Variants in RELL1 observed in about 807,000 individuals in gnomAD.
RELL1 encodes RELT-like protein 1.
In RELL1, 10 loss-of-function variants were observed where a neutral mutation model predicts 23.0. That is an observed-to-expected ratio of 0.43 (90% confidence interval 0.27 to 0.74). The LOEUF is 0.74. RELL1 is among the 30% of genes least tolerant of loss of function. The probability of loss-of-function intolerance (pLI) is 0.19; values close to 1 mark genes in which losing one functional copy is unlikely to be tolerated. For synonymous variants in RELL1, 146 were observed against 146.8 expected, an observed-to-expected ratio of 0.99 and a Z score of 0.04; for missense variants, 315 against 364.4, an observed-to-expected ratio of 0.86 and a Z score of 1.10.
At chr4:37,649,156 C>A in intron 2 of RELL1, 120 bp downstream of exon 2, 1 of 831,526 alleles carries the variant, frequency 1.2e-6, no homozygotes, top group Admixed American at 2.2e-5. Context: ...TTACACTACA[C>A]TGCACCACCT....
chr4:37,678,145 C>T lies in RELL1; in HGVS notation c.88+8055G>A, dbSNP rs188414320. Reference sequence around the variant, plus strand: ...ACAGAGGAGCAGGCACATCACATGGCGGAAGCAGGAGCAAGAGAGAGTTGG... The same window carrying T: ...ACAGAGGAGCAGGCACATCACATGGTGGAAGCAGGAGCAAGAGAGAGTTGG... On this transcript the variant is annotated intron_variant, in intron 1 of 6. Coordinates refer to ENST00000454158, the MANE Select transcript of RELL1 (RefSeq NM_001085400.2). Among the ~76,000 whole-genome samples the T allele has an allele frequency of 1.6e-4, 24 of 152,178 alleles. No homozygotes were observed. The East Asian group carries it at 4.1e-3, about 26-fold the overall frequency.
At chr4:37,621,663 A>C (rs1719771987) in intron 6 of RELL1, among the ~76,000 whole-genome samples, 1 of 152,156 alleles carries the variant, frequency 6.6e-6, no homozygotes, top group Non-Finnish European at 1.5e-5. Flanking sequence ...TGCAGTGAAA[A>C]GAGCAGATGT....
intron 3 of RELL1, among the ~76,000 whole-genome samples, 177 bp from the exon 4 acceptor site, chr4:37,638,681 T>C (rs1197750730): frequency 1.3e-5 from 2 of 152,128 alleles, no homozygotes; most frequent in Admixed American, 1.3e-4. Flanking sequence ...GCACCATCTG[T>C]CAGTAACTTC....
chr4:37,598,523 G>A (rs901545974), intron 6 of RELL1, among the ~76,000 whole-genome samples: 7 of 151,980 alleles, frequency 4.6e-5, no homozygotes, highest in Admixed American at 3.9e-4. Context: ...AGTACTGCAC[G>A]TGAATCATCT....
Position 37,665,352 on chromosome 4 carries a change from A to G in RELL1, c.89-15852T>C, listed in dbSNP as rs1285773861. The G allele has an allele frequency of 8.8e-6, 4 of 452,278 alleles. No homozygotes were observed. The East Asian group carries it at 2.8e-4, about 32-fold the overall frequency. The allele number at this position is 452,278 out of a possible 1,614,324, so 28.0% of individuals were successfully genotyped here. ...AATATACCAGCATGCTCCTGGGTTCATCGAAATCAACAGAAGTTTCCAGTT... is the reference window on the plus strand; with the variant it reads ...AATATACCAGCATGCTCCTGGGTTCGTCGAAATCAACAGAAGTTTCCAGTT... On this transcript the variant is annotated intron_variant, in intron 1 of 6. Coordinates refer to ENST00000454158, the MANE Select transcript of RELL1 (RefSeq NM_001085400.2).
chr4:37,588,862 A>G, downstream of RELL1: 7 of 1,612,782 alleles, frequency 4.3e-6, no homozygotes, highest in Non-Finnish European at 5.9e-6. Flanking sequence ...ACAGAAAACA[A>G]TCCAGATGGG....
intron 6 of RELL1, among the ~76,000 whole-genome samples, chr4:37,623,994 T>C (rs773445790): frequency 2.6e-5 from 4 of 152,040 alleles, no homozygotes; most frequent in Non-Finnish European, 5.9e-5. Context: ...GGAGAGTTAA[T>C]AAAAGAAAAG....
At chr4:37,641,683 C>A (rs867152353) in intron 3 of RELL1, among the ~76,000 whole-genome samples, 34 of 152,194 alleles carry the variant, frequency 2.2e-4, no homozygotes, top group African/African-American at 7.7e-4. Flanking sequence ...CTCCCTGAAT[C>A]CCTGCTTGAT....
rs1009544212 is a variant in RELL1, at chr4:37,611,855, G to A, written c.*1491C>T. 2.6e-5 allele frequency among the ~76,000 whole-genome samples: 4 copies of A among 152,172 alleles called. No homozygotes were observed. The highest frequency in any genetic ancestry group is 4.8e-5 in the African/African-American group (2 of 41,438). On this transcript the variant is annotated 3_prime_UTR_variant, in exon 7 of 7. Coordinates refer to ENST00000454158, the MANE Select transcript of RELL1 (RefSeq NM_001085400.2). The stretch of plus-strand genomic sequence containing the variant: ...ATACACAAAGAAAAACATGCCAGAG[G>A]TAGGTGCAGGCCCATCTTATATGAG...
chr4:37,598,095 A>ATATAT (rs1174324006), intron 6 of RELL1, among the ~76,000 whole-genome samples: 2 of 143,448 alleles, frequency 1.4e-5, no homozygotes, highest in Non-Finnish European at 3.0e-5. Context: ...ATATATATAT[A>ATATAT]ACTCCTCCTA....
At chr4:37,663,029 G>C (rs1410450316) in intron 1 of RELL1, among the ~76,000 whole-genome samples, 1 of 152,188 alleles carries the variant, frequency 6.6e-6, no homozygotes. Flanking sequence ...TAAGACAGAA[G>C]ACTGAGGAGA....
intron 1 of RELL1, among the ~76,000 whole-genome samples, chr4:37,682,093 AAC>A (rs144270289): frequency 0.014 from 2,136 of 152,332 alleles, 29 homozygotes; most frequent in Non-Finnish European, 0.022. Flanking sequence ...CTCATCTACA[AAC>A]ACAGGAATAA....
intron 5 of RELL1, among the ~76,000 whole-genome samples, chr4:37,633,580 C>T (rs746984991): frequency 5.9e-5 from 9 of 152,060 alleles, no homozygotes; most frequent in African/African-American, 4.8e-5. Flanking sequence ...CTTAATAAAA[C>T]AGTGTGGTCA....
chr4:37,608,383 T>A (rs1320439140), downstream of RELL1, among the ~76,000 whole-genome samples: 3 of 152,178 alleles, frequency 2.0e-5, no homozygotes, highest in Non-Finnish European at 4.4e-5. Context: ...GAAGAAAATT[T>A]AAAATGCTAC....
intron 1 of RELL1, among the ~76,000 whole-genome samples, chr4:37,670,313 G>A (rs1721791865): frequency 1.3e-5 from 2 of 151,952 alleles, no homozygotes; most frequent in Non-Finnish European, 2.9e-5. Flanking sequence ...TATTAATAGT[G>A]TAGACAGCGG....
chr4:37,665,342 T>C (rs1265116291), intron 1 of RELL1: 1 of 453,492 alleles, frequency 2.2e-6, no homozygotes, highest in Admixed American at 2.4e-5. Context: ...ACCAGCATGC[T>C]CCTGGGTTCA....
intron 1 of RELL1, among the ~76,000 whole-genome samples, chr4:37,664,178 C>T (rs892248175): frequency 6.6e-6 from 1 of 152,134 alleles, no homozygotes; most frequent in African/African-American, 2.4e-5. Context: ...GAGATCAAGA[C>T]CATCCTGGCC....
Position 37,614,824 on chromosome 4 carries a change from TAAC to T in RELL1, c.*4-1485_*4-1483del, listed in dbSNP as rs754235807. On this transcript the variant is annotated intron_variant, in intron 6 of 6. Transcript: ENST00000454158. ...CTAGACATTTTTGCATCAAGGAAAA[TAAC>T]AACGTCAAAGGTGGGGGATGTCAGG... Among the ~76,000 whole-genome samples the T allele has an allele frequency of 2.4e-4, 36 of 152,170 alleles. 1 individual carries two copies. The highest frequency in any genetic ancestry group is 6.8e-3 in the Middle Eastern group (2 of 294).
intron 4 of RELL1, among the ~76,000 whole-genome samples, chr4:37,635,525 G>A (rs9994121): frequency 0.031 from 4,686 of 152,198 alleles, 230 homozygotes; most frequent in African/African-American, 0.11. Context: ...TACTTGGGAG[G>A]CAGTGGTGGG....
Sources: gnomAD v4.1 joint callset for allele counts (sites outside exome capture counted in the v4.1 genomes callset) on GRCh38, gnomAD v4.1.1 for gene constraint, MANE v1.5 for transcripts, NCBI Gene and HGNC (gene_info 2026-07-23, HGNC 2026-07-21) for gene names.